OR52N2: variants seen among roughly 807,000 people sequenced by gnomAD.
The protein encoded by OR52N2 is olfactory receptor family 52 subfamily N member 2.
For missense variants in OR52N2, 326 were observed against 196.6 expected (o/e 1.66, Z -3.94); for synonymous variants, 129 against 72.0 (o/e 1.79, Z -4.01).
intron 1 of OR52N2, among the ~76,000 whole-genome samples, chr11:5,817,900 GT>G (rs927177654): frequency 1.3e-5 from 2 of 152,036 alleles, no homozygotes; most frequent in African/African-American, 4.8e-5. Context: ...ATTAAATTTG[GT>G]ACAGCTATTG....
chr11:5,813,202 A>G (rs1328925102), intron 1 of OR52N2, among the ~76,000 whole-genome samples: 1 of 151,994 alleles, frequency 6.6e-6, no homozygotes, highest in African/African-American at 2.4e-5. Flanking sequence ...AGGTAATGAT[A>G]AAGATCAGAT....
intron 1 of OR52N2, among the ~76,000 whole-genome samples, chr11:5,810,604 G>A (rs1226120249): frequency 6.6e-6 from 1 of 152,170 alleles, no homozygotes; most frequent in Non-Finnish European, 1.5e-5. Flanking sequence ...CAGAAGATAA[G>A]CTGGTGTTAA....
chr11:5,816,545 C>CTTT (rs1464421774), intron 1 of OR52N2, among the ~76,000 whole-genome samples: 4 of 150,704 alleles, frequency 2.7e-5, no homozygotes, highest in Non-Finnish European at 4.4e-5. Flanking sequence ...TGATCTAAAT[C>CTTT]TTCTTTTTTT....
At chr11:5,811,853 A>G (rs1211342242) in intron 1 of OR52N2, among the ~76,000 whole-genome samples, 1 of 152,244 alleles carries the variant, frequency 6.6e-6, no homozygotes, top group Non-Finnish European at 1.5e-5. Context: ...ACACACACAC[A>G]GGTTGAAAGC....
chr11:5,819,806 A>G (rs968854072), intron 1 of OR52N2, among the ~76,000 whole-genome samples: 1 of 152,178 alleles, frequency 6.6e-6, no homozygotes, highest in Non-Finnish European at 1.5e-5. Flanking sequence ...AAGGCAGGGG[A>G]AAAGTGCTAA....
chr11:5,816,010 C>G (rs540257685), intron 1 of OR52N2, among the ~76,000 whole-genome samples: 2 of 152,160 alleles, frequency 1.3e-5, no homozygotes, highest in South Asian at 4.1e-4. Context: ...GAAGAACATT[C>G]TGACATCTGC....
At chr11:5,809,268 A>G (rs1442803528) in intron 1 of OR52N2, among the ~76,000 whole-genome samples, 1 of 152,172 alleles carries the variant, frequency 6.6e-6, no homozygotes, top group South Asian at 2.1e-4. Context: ...AAGGAAGGAG[A>G]GCAGGGAGCT....
At chr11:5,814,230 C>A (rs1336320163) in intron 1 of OR52N2, among the ~76,000 whole-genome samples, 1 of 152,010 alleles carries the variant, frequency 6.6e-6, no homozygotes, top group Non-Finnish European at 1.5e-5. Flanking sequence ...CTTTGTTCAC[C>A]GTTGAAATGA....
intron 1 of OR52N2, among the ~76,000 whole-genome samples, chr11:5,812,890 A>C (rs2134240759): frequency 6.6e-6 from 1 of 152,180 alleles, no homozygotes; most frequent in Admixed American, 6.5e-5. Context: ...TATCACAATT[A>C]TATAAAACTA....
At chr11:5,818,781 T>G (rs1011221728) in intron 1 of OR52N2, among the ~76,000 whole-genome samples, 3 of 152,188 alleles carry the variant, frequency 2.0e-5, no homozygotes, top group African/African-American at 7.2e-5. Context: ...GGTGTACACA[T>G]AAAAGATGGT....
At chr11:5,813,743 T>C (rs1447928476) in intron 1 of OR52N2, among the ~76,000 whole-genome samples, 2 of 152,082 alleles carry the variant, frequency 1.3e-5, no homozygotes, top group Non-Finnish European at 2.9e-5. Context: ...AATAGGCCAA[T>C]ATCCTGTTAA....
intron 1 of OR52N2, among the ~76,000 whole-genome samples, chr11:5,816,926 T>C (rs1308453219): frequency 2.0e-5 from 3 of 151,202 alleles, no homozygotes; most frequent in Admixed American, 2.0e-4. Context: ...TTGTAATAGC[T>C]GCATTAATTT....
chr11:5,813,237 TA>T (rs147864293), intron 1 of OR52N2, among the ~76,000 whole-genome samples: 16,276 of 149,252 alleles, frequency 0.11, 1,094 homozygotes, highest in East Asian at 0.25. Context: ...ATAGAAATTA[TA>T]AAAAAAAAGT....
chr11:5,815,381 A>G (rs1040340682), intron 1 of OR52N2, among the ~76,000 whole-genome samples: 7 of 152,088 alleles, frequency 4.6e-5, no homozygotes, highest in East Asian at 1.9e-4. Flanking sequence ...AACCTCAACA[A>G]CAACAACAAA....
chr11:5,810,442 A>G (rs1473195160), intron 1 of OR52N2, among the ~76,000 whole-genome samples: 1 of 152,246 alleles, frequency 6.6e-6, no homozygotes, highest in African/African-American at 2.4e-5. Context: ...ACATTTTAAA[A>G]TGGAATTATG....
Position 5,820,616 on chromosome 11 carries a change from T to C in OR52N2, c.281T>C (p.Ile94Thr), listed in dbSNP as rs141306839. The C allele has an allele frequency of 4.9e-5, 38 of 783,112 alleles. No homozygotes were observed. The highest frequency in any genetic ancestry group is 1.9e-4 in the African/African-American group (11 of 59,156). 48.5% of individuals were successfully genotyped at this position (783,112 alleles called of 1,614,324 possible). Reference sequence around the variant, plus strand: ...ATATTCTGGTTCAACCTCAAGGAGATTGACTTTAACGCCTGCCTGGCCCAG... The same window carrying C: ...ATATTCTGGTTCAACCTCAAGGAGACTGACTTTAACGCCTGCCTGGCCCAG... ...LCIFWFNLKE[I>T]DFNACLAQMF... The change falls in exon 2 of 2, where the codon ATT becomes ACT. Residue 94 changes from isoleucine (I) to threonine (T), a missense_variant. Coordinates refer to ENST00000317037, the MANE Select transcript of OR52N2 (RefSeq NM_001005174.3).
rs563403012 is a variant in OR52N2 at position 5,820,930 on chromosome 11, A to G, written c.595A>G (p.Ile199Val). The change falls in exon 2 of 2, where the codon ATT becomes GTT. Residue 199 changes from isoleucine to valine, a missense_variant. Physicochemically the swap from Ile to Val is conservative, Grantham distance 29 (BLOSUM62 3). Coordinates refer to ENST00000317037, the MANE Select transcript of OR52N2 (RefSeq NM_001005174.3). ...VSCGNFKVNA[I>V]YGLMVALLIG... is the part of the protein sequence containing the mutation. ...CTGTGGCAATTTCAAGGTCAATGCT[A>G]TTTATGGTCTGATGGTTGCTCTCCT... 5.0e-5 allele frequency: 39 copies of G among 780,984 alleles called. 1 individual carries two copies. Among genetic ancestry groups the G allele is most frequent in the South Asian group, 4.8e-4 (36 of 74,616 alleles). The allele number at this position is 780,984 out of a possible 1,614,324, so 48.4% of individuals were successfully genotyped here.
Position 5,820,360 on chromosome 11 carries a change from C to A in OR52N2, c.25C>A (p.Leu9Met), listed in dbSNP as rs763768130. 5.1e-6 allele frequency: 4 copies of A among 780,916 alleles called. No individual in the cohort carries two copies. The South Asian group carries it at 5.4e-5, about 10-fold the overall frequency. 48.4% of individuals were successfully genotyped at this position (780,916 alleles called of 1,614,324 possible). Reference sequence around the variant, plus strand: ...CATGTCTGGGGACAACAGCTCCAGCCTGACCCCAGGATTCTTTATCTTGAA... The same window carrying A: ...CATGTCTGGGGACAACAGCTCCAGCATGACCCCAGGATTCTTTATCTTGAA... MSGDNSSS[L>M]TPGFFILNGV... Residue 9 changes from leucine (L) to methionine (M), a missense_variant, in exon 2 of 2, where the codon CTG (leucine) becomes ATG (methionine). Physicochemically the swap from Leu to Met is conservative, Grantham distance 15. Transcript: ENST00000317037.
chr11:5,820,856 A>T lies in OR52N2; in HGVS notation c.521A>T (p.Asn174Ile), dbSNP rs763121156. 1.3e-6 allele frequency: 1 copy of T among 780,930 alleles called. No individual in the cohort carries two copies. The highest frequency in any genetic ancestry group is 1.3e-5 in the South Asian group (1 of 74,598). 48.4% of individuals were successfully genotyped at this position (780,930 alleles called of 1,614,324 possible). A position where few individuals can be genotyped will look rare whatever the true frequency, so the allele number is the denominator to read the frequency against. Residue 174 changes from asparagine to isoleucine, a missense_variant, in exon 2 of 2, where the codon AAC becomes ATC. Transcript: ENST00000317037. ...AAGCGCCTGCCCTATTGCCGGGGGA[A>T]CTTCATCCCCCACACCTACTGTGAC... ...LTKRLPYCRGNFIPHTYCDHM... is the reference protein window; with the variant it reads ...LTKRLPYCRGIFIPHTYCDHM...
Sources: allele counts gnomAD v4.1 joint callset (sites outside exome capture counted in the v4.1 genomes callset), GRCh38; gene constraint gnomAD v4.1.1; transcripts MANE v1.5; gene names NCBI Gene and HGNC (gene_info 2026-07-23, HGNC 2026-07-21).